Variants in BAZ2B observed in about 807,000 individuals in gnomAD.
BAZ2B encodes bromodomain adjacent to zinc finger domain 2B, also known as bromodomain adjacent to zinc finger domain protein 2B.
BAZ2B carries 91 observed loss-of-function variants against 246.0 expected under a neutral mutation model. The observed-to-expected ratio is 0.37, with a 90% confidence interval of 0.31 to 0.44. The LOEUF (loss-of-function observed/expected upper bound fraction) is 0.44. Ranked by LOEUF, BAZ2B falls within the 20% of genes least tolerant of loss-of-function variation. The pLI, the probability that BAZ2B is intolerant of heterozygous loss-of-function variation, is 1.00. For missense variants in BAZ2B, 2,332 were observed against 2,533.7 expected (o/e 0.92, Z 1.71); for synonymous variants, 855 against 860.0 (o/e 0.99, Z 0.10).
chr2:159,336,669 G>A (rs1230358275), intron 33 of BAZ2B, among the ~76,000 whole-genome samples: 2 of 152,204 alleles, frequency 1.3e-5, no homozygotes, highest in Non-Finnish European at 2.9e-5. Context: ...AATAACTATT[G>A]TGCTGATGGA....
At chr2:159,648,881 T>TA in the BAZ2B span, among the ~76,000 whole-genome samples, 1 of 152,154 alleles carries the variant, frequency 6.6e-6, no homozygotes, top group African/African-American at 2.4e-5. Context: ...TCAATTTTTT[T>TA]AAAAAACTGC....
chr2:159,329,613 A>G (rs3771682), intron 34 of BAZ2B, among the ~76,000 whole-genome samples: 52,169 of 152,146 alleles, frequency 0.34, 11,663 homozygotes, highest in Non-Finnish European at 0.51. Flanking sequence ...AGCAAGGTGT[A>G]TGTATAGTAT....
At chr2:159,438,088 A>G in intron 8 of BAZ2B, 1 of 478,518 alleles carries the variant, frequency 2.1e-6, no homozygotes, top group Non-Finnish European at 3.7e-6. Context: ...AGCTGGAATG[A>G]CATGATTGCA....
At chr2:159,331,308 T>C (rs2064725719) in intron 34 of BAZ2B, among the ~76,000 whole-genome samples, 1 of 152,182 alleles carries the variant, frequency 6.6e-6, no homozygotes, top group African/African-American at 2.4e-5. Flanking sequence ...AGAATGAAGA[T>C]GGAGGAGGCA....
chr2:159,419,491 C>G (rs943207602), intron 13 of BAZ2B, among the ~76,000 whole-genome samples: 1 of 152,148 alleles, frequency 6.6e-6, no homozygotes, highest in Non-Finnish European at 1.5e-5. Flanking sequence ...AACTTTATGA[C>G]AGATATTCTT....
chr2:159,520,593 T>C (rs1026846885), intron 2 of BAZ2B, among the ~76,000 whole-genome samples: 2 of 152,204 alleles, frequency 1.3e-5, no homozygotes, highest in African/African-American at 4.8e-5. Context: ...AACTGCTGTA[T>C]ATATTTATAA....
intron 31 of BAZ2B, among the ~76,000 whole-genome samples, chr2:159,338,772 C>T (rs2148990829): frequency 6.6e-6 from 1 of 152,292 alleles, no homozygotes; most frequent in East Asian, 1.9e-4. Context: ...TGCCTGGTCT[C>T]CAATTGTCCA....
chr2:159,651,315 G>A, the BAZ2B span, among the ~76,000 whole-genome samples: 1 of 152,138 alleles, frequency 6.6e-6, no homozygotes, highest in Non-Finnish European at 1.5e-5. Context: ...AATAGTAGGA[G>A]AAAAAGTTTC....
At chr2:159,320,480 GAAGAGTTAATA>G in intron 36 of BAZ2B, 62 bp from the exon 37 acceptor site, 1 of 1,383,572 alleles carries the variant, frequency 7.2e-7, no homozygotes, top group South Asian at 1.4e-5. Context: ...GTAAACAAAT[GAAGAGTTAATA>G]AAGGGTAAAA....
chr2:159,476,701 G>C (rs555002554), intron 3 of BAZ2B, among the ~76,000 whole-genome samples: 1 of 152,168 alleles, frequency 6.6e-6, no homozygotes, highest in East Asian at 1.9e-4. Context: ...GTATGTTAAA[G>C]ACTAATTCAG....
At chr2:159,543,072 G>A (rs183775860) in intron 2 of BAZ2B, among the ~76,000 whole-genome samples, 34 of 152,216 alleles carry the variant, frequency 2.2e-4, no homozygotes, top group Admixed American at 6.5e-4. Context: ...AAAGTTGTTC[G>A]GAGGATGAAA....
At chr2:159,656,822 C>A in the BAZ2B span, among the ~76,000 whole-genome samples, 1 of 152,074 alleles carries the variant, frequency 6.6e-6, no homozygotes, top group African/African-American at 2.4e-5. Flanking sequence ...ATCCTTTGCT[C>A]ATTTTTTAAT....
chr2:159,373,097 C>A lies in BAZ2B; in HGVS notation c.4161G>T (p.Trp1387Cys). 1 of 1,614,068 alleles carries A rather than the reference C, an allele frequency of 6.2e-7. No homozygotes were observed. ...AAATCCCCCCACATTGGGGAAGAAT[C>A]CAGTACCGGCGTCTGTAACGATCTT... ...FGQDRYRRRY[W>C]ILPQCGGIFV... Residue 1387 changes from tryptophan (W) to cysteine (C), a missense_variant, in exon 27 of 37, where the codon TGG becomes TGT. Coordinates refer to ENST00000392783, the MANE Select transcript of BAZ2B (RefSeq NM_013450.4).
chr2:159,450,397 A>C (rs1339391691), intron 4 of BAZ2B, among the ~76,000 whole-genome samples: 2 of 152,066 alleles, frequency 1.3e-5, no homozygotes, highest in South Asian at 2.1e-4. Context: ...AAAAAAAGTA[A>C]AGAAGCACAC....
At chr2:159,665,890 C>CT in the BAZ2B span, among the ~76,000 whole-genome samples, 1 of 152,094 alleles carries the variant, frequency 6.6e-6, no homozygotes, top group Non-Finnish European at 1.5e-5. Flanking sequence ...ATATGGACAT[C>CT]TTTTTTAGTT....
At position 159,320,128 on chromosome 2, in the gene BAZ2B, C is replaced by T. The variant is rs78844759; in HGVS notation, c.*137G>A. On this transcript the variant is annotated 3_prime_UTR_variant, in exon 37 of 37. Coordinates refer to ENST00000392783, the MANE Select transcript of BAZ2B (RefSeq NM_013450.4). The stretch of plus-strand genomic sequence containing the variant: ...AGCCTTTAAAAATGGTATCATTCTT[C>T]TGATACTTTTTTTTTATACTTAAGG... 15,298 of 779,022 alleles carry T rather than the reference C, an allele frequency of 0.02. 211 individuals carry two copies. Among genetic ancestry groups the T allele is most frequent in the Non-Finnish European group, 0.023 (12,865 of 548,384 alleles). The allele number at this position is 779,022 out of a possible 1,614,324, so 48.3% of individuals were successfully genotyped here.
At chr2:159,638,774 G>A in the BAZ2B span, among the ~76,000 whole-genome samples, 12 of 152,114 alleles carry the variant, frequency 7.9e-5, no homozygotes, top group East Asian at 2.3e-3. Context: ...CGTCAAAAGG[G>A]CAAATCTAAG....
the BAZ2B span, among the ~76,000 whole-genome samples, chr2:159,625,541 G>T: frequency 6.6e-6 from 1 of 152,138 alleles, no homozygotes; most frequent in South Asian, 2.1e-4. Context: ...TTAAAGAAAA[G>T]AATTTTCAAC....
At chr2:159,472,686 T>C (rs555597827) in intron 3 of BAZ2B, among the ~76,000 whole-genome samples, 79 of 152,378 alleles carry the variant, frequency 5.2e-4, no homozygotes, top group African/African-American at 1.8e-3. Flanking sequence ...TGAGAGGTTT[T>C]AGCATGAAGG....
Sources: gnomAD v4.1 joint callset for allele counts (sites outside exome capture counted in the v4.1 genomes callset) on GRCh38, gnomAD v4.1.1 for gene constraint, MANE v1.5 for transcripts, NCBI Gene and HGNC (gene_info 2026-07-23, HGNC 2026-07-21) for gene names.